The following PDE8A variants were observed in gnomAD, a reference collection of about 807,000 sequenced individuals.
The protein encoded by PDE8A is high affinity cAMP-specific and IBMX-insensitive 3',5'-cyclic phosphodiesterase 8A.
Under a neutral mutation model 105.0 loss-of-function variants are expected in PDE8A, and 59 were observed. The ratio of observed to expected loss-of-function variants is 0.56; its 90% CI spans 0.46 to 0.70. The LOEUF is 0.70. Ranked by LOEUF, PDE8A falls within the 30% of genes least tolerant of loss-of-function variation. PDE8A has a pLI of 0.00. For synonymous variants in PDE8A, 355 were observed against 371.9 expected, an observed-to-expected ratio of 0.95 and a Z score of 0.52; for missense variants, 1,014 against 1,045.9, an observed-to-expected ratio of 0.97 and a Z score of 0.42.
chr15:85,058,712 A>G (rs2081100606), intron 1 of PDE8A, among the ~76,000 whole-genome samples: 1 of 152,172 alleles, frequency 6.6e-6, no homozygotes, highest in Non-Finnish European at 1.5e-5. Flanking sequence ...GTACTCTCTT[A>G]GAATCCTTTT....
At chr15:85,075,117 C>G (rs994060091) in intron 3 of PDE8A, among the ~76,000 whole-genome samples, 1 of 152,190 alleles carries the variant, frequency 6.6e-6, no homozygotes, top group African/African-American at 2.4e-5. Flanking sequence ...TTCTTTTACT[C>G]TATGTCACAT....
chr15:85,113,578 C>A, intron 13 of PDE8A, 131 bp downstream of exon 13: 1 of 815,292 alleles, frequency 1.2e-6, no homozygotes, highest in Non-Finnish European at 2.1e-6. Context: ...TGCTAGTAGC[C>A]TCCTCTGAAG....
intron 1 of PDE8A, among the ~76,000 whole-genome samples, chr15:85,037,041 C>T (rs1404954035): frequency 6.6e-6 from 1 of 151,594 alleles, no homozygotes; most frequent in East Asian, 1.9e-4. Context: ...ATGAAGGTTG[C>T]AGTGCTCTTA....
chr15:85,123,185 G>GA lies in PDE8A; in HGVS notation c.2081dup (p.Asn694LysfsTer5). ...CAACAAACCCTTGGCAACACTAGAA[G>GA]AAAATGGGGTAAGGGAAACTTATTG... On this transcript the variant is annotated frameshift_variant, in exon 19 of 22. Transcript: ENST00000394553. LOFTEE classifies it high-confidence loss of function. 1 of 1,614,026 alleles carries GA rather than the reference G, an allele frequency of 6.2e-7. No individual in the cohort carries two copies. The highest frequency in any genetic ancestry group is 8.5e-7 in the Non-Finnish European group (1 of 1,179,934).
chr15:85,122,957 A>T, intron 18 of PDE8A, 104 bp from the exon 19 acceptor site: 1 of 1,170,348 alleles, frequency 8.5e-7, no homozygotes, highest in Non-Finnish European at 1.2e-6. Flanking sequence ...CATTAGATTT[A>T]TAGCTGCAGA....
At chr15:85,027,756 T>C (rs2080542731) in intron 1 of PDE8A, among the ~76,000 whole-genome samples, 1 of 152,220 alleles carries the variant, frequency 6.6e-6, no homozygotes, top group African/African-American at 2.4e-5. Flanking sequence ...TCTAGAAAAC[T>C]AGAAAATACA....
chr15:85,057,138 C>T (rs527793566), intron 1 of PDE8A, among the ~76,000 whole-genome samples: 11 of 152,156 alleles, frequency 7.2e-5, no homozygotes, highest in African/African-American at 1.9e-4. Flanking sequence ...TACTGCAGAA[C>T]GGCAAATGTT....
intron 20 of PDE8A, among the ~76,000 whole-genome samples, chr15:85,134,291 C>T (rs559283723): frequency 6.6e-6 from 1 of 152,312 alleles, no homozygotes; most frequent in South Asian, 2.1e-4. Context: ...CATGGCTGCC[C>T]AGAGAGAGCT....
intron 1 of PDE8A, among the ~76,000 whole-genome samples, chr15:85,002,877 T>C (rs2142182276): frequency 6.6e-6 from 1 of 152,336 alleles, no homozygotes; most frequent in East Asian, 1.9e-4. Flanking sequence ...CAGAGCTGTT[T>C]CAGGACAAAA....
At chr15:85,127,021 C>T (rs1275445487) in intron 20 of PDE8A, among the ~76,000 whole-genome samples, 2 of 152,042 alleles carry the variant, frequency 1.3e-5, no homozygotes, top group Non-Finnish European at 2.9e-5. Context: ...CATGGTGAGA[C>T]CTTGTCTCTA....
At chr15:85,109,317 T>C (rs541493680) in intron 12 of PDE8A, among the ~76,000 whole-genome samples, 187 bp downstream of exon 12, 1 of 152,330 alleles carries the variant, frequency 6.6e-6, no homozygotes, top group African/African-American at 2.4e-5. Context: ...TTCTGAGCCT[T>C]TTAATGGAAT....
chr15:85,038,313 C>T (rs146492222), intron 1 of PDE8A, among the ~76,000 whole-genome samples: 6 of 151,736 alleles, frequency 4.0e-5, no homozygotes, highest in Admixed American at 2.0e-4. Flanking sequence ...GTCAGTTTTA[C>T]GTTTTGCAGA....
intron 12 of PDE8A, among the ~76,000 whole-genome samples, chr15:85,111,424 C>T (rs1309515500): frequency 6.6e-6 from 1 of 152,024 alleles, no homozygotes; most frequent in Non-Finnish European, 1.5e-5. Context: ...GATGACTGCC[C>T]CTGACCCTAG....
At chr15:84,992,577 A>C (rs1275730317) in intron 1 of PDE8A, among the ~76,000 whole-genome samples, 1 of 152,136 alleles carries the variant, frequency 6.6e-6, no homozygotes, top group African/African-American at 2.4e-5. Context: ...AGGTGGGGTG[A>C]GGGACAGCTA....
intron 1 of PDE8A, among the ~76,000 whole-genome samples, chr15:84,983,679 G>A (rs931354077): frequency 6.6e-6 from 1 of 152,158 alleles, no homozygotes; most frequent in Non-Finnish European, 1.5e-5. Context: ...AAGCCTACTT[G>A]GCTTTAAAAA....
intron 12 of PDE8A, among the ~76,000 whole-genome samples, chr15:85,112,525 A>C (rs575162515): frequency 1.3e-5 from 2 of 152,276 alleles, no homozygotes. Flanking sequence ...TAATCACCAA[A>C]ATTTTAAGAA....
Position 85,076,727 on chromosome 15 carries a change from T to C in PDE8A, c.492-6T>C. The C allele has an allele frequency of 6.3e-7, 1 of 1,577,428 alleles. No individual in the cohort carries two copies. Among genetic ancestry groups the C allele is most frequent in the Non-Finnish European group, 8.7e-7 (1 of 1,146,568 alleles). ...TGTCTATGTTCTTTACTGTGTTATT[T>C]TGAAGGGTGGATAGAGAAGAGTTGT... On this transcript the variant is annotated splice_polypyrimidine_tract_variant and splice_region_variant and intron_variant, in intron 4 of 21. Coordinates refer to ENST00000394553, the MANE Select transcript of PDE8A (RefSeq NM_002605.3).
intron 1 of PDE8A, among the ~76,000 whole-genome samples, chr15:85,047,546 TG>T (rs2080906188): frequency 6.6e-6 from 1 of 152,216 alleles, no homozygotes; most frequent in African/African-American, 2.4e-5. Context: ...AAAAAGGAAT[TG>T]CTGAAACATG....
chr15:84,987,651 A>G (rs1045828260), intron 1 of PDE8A, among the ~76,000 whole-genome samples: 3 of 149,462 alleles, frequency 2.0e-5, no homozygotes, highest in Non-Finnish European at 4.4e-5. Context: ...TTTTTTTTGT[A>G]TATTTAGTAG....
Sources: allele counts gnomAD v4.1 joint callset (sites outside exome capture counted in the v4.1 genomes callset), GRCh38; gene constraint gnomAD v4.1.1; transcripts MANE v1.5; gene names NCBI Gene and HGNC (gene_info 2026-07-23, HGNC 2026-07-21).